The following POLR3E variants were observed in gnomAD, a reference collection of about 807,000 sequenced individuals.
The protein encoded by POLR3E is DNA-directed RNA polymerase III subunit RPC5.
POLR3E carries 41 observed loss-of-function variants against 96.6 expected under a neutral mutation model. That is an observed-to-expected ratio of 0.42 (90% confidence interval 0.33 to 0.55). The LOEUF is 0.55. Among genes scored for constraint, POLR3E ranks in the 20% least tolerant of loss-of-function variants. POLR3E has a pLI of 0.06. For synonymous variants in POLR3E, 396 were observed against 383.6 expected, an observed-to-expected ratio of 1.03 and a Z score of -0.38; for missense variants, 849 against 952.1, an observed-to-expected ratio of 0.89 and a Z score of 1.43.
At chr16:22,327,075 C>T (rs549681628) in intron 18 of POLR3E, 117 of 152,486 alleles carry the variant, frequency 7.7e-4, no homozygotes, top group Non-Finnish European at 1.3e-3. Flanking sequence ...ACGCCTTTCC[C>T]GTGCTCCTTT....
Position 22,315,160 on chromosome 16 carries a change from G to A in POLR3E, c.594G>A (p.Lys198=), listed in dbSNP as rs776848326. The A allele has an allele frequency of 3.7e-5, 60 of 1,609,974 alleles. No individual in the cohort carries two copies. The highest frequency in any genetic ancestry group is 1.0e-4 in the Admixed American group (6 of 59,478). ...TGCAGTCCTATGAGTTCCTGCAGAA[G>A]AAGCACGCAGAGGAGCCCTGGGTCC... ...RRVQSYEFLQ[K]KHAEEPWVHL... Residue 198 remains lysine, a synonymous_variant, in exon 9 of 21, where the codon AAG becomes AAA. Transcript: ENST00000299853.
chr16:22,313,532 G>A lies in POLR3E; in HGVS notation c.365-88G>A, dbSNP rs1057345468. ...GGAATGGGAGGCGGTTTGATGGTGGGCCTAGGCCTTCACGGGACTTGGTGA... is the reference window on the plus strand; with the variant it reads ...GGAATGGGAGGCGGTTTGATGGTGGACCTAGGCCTTCACGGGACTTGGTGA... On this transcript the variant is annotated intron_variant, in intron 6 of 20. Transcript: ENST00000299853. This position sits in a 1 kb window ranked among gnomAD's most constrained non-coding sequence, Gnocchi z 4.1. 3 of 805,312 alleles carry A rather than the reference G, an allele frequency of 3.7e-6. No homozygotes were observed. In the African/African-American group the frequency reaches 5.1e-5, roughly 14 times the overall value. The allele number at this position is 805,312 out of a possible 1,614,324, so 49.9% of individuals were successfully genotyped here. A position where few individuals can be genotyped will look rare whatever the true frequency, so the allele number is the denominator to read the frequency against.
At position 22,317,216 on chromosome 16, in the gene POLR3E, T is replaced by A; in HGVS notation, c.865+10T>A. 6.2e-7 allele frequency: 1 copy of A among 1,604,814 alleles called. No homozygotes were observed. Among genetic ancestry groups the A allele is most frequent in the Non-Finnish European group, 8.5e-7 (1 of 1,174,884 alleles). ...ATCCTGATGAAGAATGGTGGGTGCC[T>A]ACCCCCTGCCCACCCGGGGGCCCCA... On this transcript the variant is annotated intron_variant, in intron 12 of 20. Coordinates refer to ENST00000299853, the MANE Select transcript of POLR3E (RefSeq NM_018119.4).
chr16:22,315,912 C>A (rs2048345861), intron 9 of POLR3E, among the ~76,000 whole-genome samples: 1 of 152,082 alleles, frequency 6.6e-6, no homozygotes, highest in Non-Finnish European at 1.5e-5. Context: ...AAGTGATCTG[C>A]CCACCTCAGG....
At chr16:22,315,398 G>A (rs1183744839) in intron 9 of POLR3E, among the ~76,000 whole-genome samples, 190 bp downstream of exon 9, 1 of 152,240 alleles carries the variant, frequency 6.6e-6, no homozygotes, top group African/African-American at 2.4e-5. Context: ...AGGAGAGCAA[G>A]AGGAAAAGAT....
chr16:22,310,554 TG>T (rs1380797779), intron 6 of POLR3E, among the ~76,000 whole-genome samples: 1 of 150,240 alleles, frequency 6.7e-6, no homozygotes, highest in Non-Finnish European at 1.5e-5. Context: ...CCCAAAGTGC[TG>T]GGATTACAGG....
At chr16:22,307,241 C>T (rs2141742596) in intron 3 of POLR3E, among the ~76,000 whole-genome samples, 1 of 152,296 alleles carries the variant, frequency 6.6e-6, no homozygotes, top group African/African-American at 2.4e-5. Flanking sequence ...AGAACCTGCG[C>T]CCTTCAGCCT....
intron 19 of POLR3E, among the ~76,000 whole-genome samples, chr16:22,330,546 C>G (rs555002972): frequency 6.6e-6 from 1 of 152,216 alleles, no homozygotes; most frequent in South Asian, 2.1e-4. Flanking sequence ...ACATGTGTAC[C>G]GAGGGTGATA....
chr16:22,329,437 C>T (rs924366903), intron 19 of POLR3E, among the ~76,000 whole-genome samples: 14 of 152,058 alleles, frequency 9.2e-5, no homozygotes, highest in African/African-American at 2.9e-4. Context: ...TTTCTTAGGC[C>T]GTGAACGTAC....
rs182323599 is a variant in POLR3E at position 22,329,664 on chromosome 16, T to C, written c.1944+1077T>C. 2.6e-5 allele frequency among the ~76,000 whole-genome samples: 4 copies of C among 152,250 alleles called. No homozygotes were observed. The East Asian group carries it at 7.7e-4, about 29-fold the overall frequency. On this transcript the variant is annotated intron_variant, in intron 19 of 20. Transcript: ENST00000299853. ...AGAATAGAGGGTATCTGAAATACTT[T>C]GATAACAAAAAGGCAAAAAAACAAA...
rs2048822149 is a variant in POLR3E, at chr16:22,335,087, C to A, written c.*1387C>A. On this transcript the variant is annotated 3_prime_UTR_variant, in exon 21 of 21. Transcript: ENST00000299853. ...TATGTGAACCTGAAAAGTAAAGTTA[C>A]CAAAAGCGATTTGGAATATGTCTCA... is the stretch of plus-strand genomic sequence containing the variant. 6.6e-6 allele frequency: 1 copy of A among 152,162 alleles called. No individual in the cohort carries two copies. The allele number at this position is 152,162 out of a possible 1,614,324, so 9.4% of individuals were successfully genotyped here. A position where few individuals can be genotyped will look rare whatever the true frequency, so the allele number is the denominator to read the frequency against.
chr16:22,299,016 A>G (rs755459088), intron 1 of POLR3E: 1 of 456,060 alleles, frequency 2.2e-6, no homozygotes, highest in Non-Finnish European at 4.4e-6. Context: ...AAGACAAACA[A>G]CACCTGAGCA....
At chr16:22,299,173 A>G in intron 1 of POLR3E, 1 of 395,776 alleles carries the variant, frequency 2.5e-6, no homozygotes, top group Non-Finnish European at 5.0e-6. Context: ...ATGATATTTA[A>G]TAAAAAGGAG....
At chr16:22,303,790 A>C (rs1165997164) in intron 2 of POLR3E, among the ~76,000 whole-genome samples, 1 of 146,770 alleles carries the variant, frequency 6.8e-6, no homozygotes, top group Non-Finnish European at 1.5e-5. Context: ...ACAGGTGCCC[A>C]TCACCACGCC....
chr16:22,319,912 G>T (rs1466158791), intron 13 of POLR3E, among the ~76,000 whole-genome samples: 1 of 151,900 alleles, frequency 6.6e-6, no homozygotes, highest in African/African-American at 2.4e-5. Context: ...TAGTCACCCT[G>T]TAGTACCCTT....
At chr16:22,312,484 A>G (rs1174243483) in intron 6 of POLR3E, among the ~76,000 whole-genome samples, 1 of 152,002 alleles carries the variant, frequency 6.6e-6, no homozygotes, top group African/African-American at 2.4e-5. Context: ...ACAGAGTGAG[A>G]CTCCATCTCA....
At position 22,303,639 on chromosome 16, in the gene POLR3E, C is replaced by CTTTTTTTTTTTTTTTTTTTTTTTTTTTTT. The variant is rs58949663; in HGVS notation, c.36+653_36+654insTTTTTTTTTTTTTTTTTTTTTTTTTTTTT. Among the ~76,000 whole-genome samples, 11 of 114,230 alleles carry CTTTTTTTTTTTTTTTTTTTTTTTTTTTTT rather than the reference C, an allele frequency of 9.6e-5. 1 individual carries two copies. Among genetic ancestry groups the CTTTTTTTTTTTTTTTTTTTTTTTTTTTTT allele is most frequent in the African/African-American group, 5.3e-4 (11 of 20,804 alleles). 74.9% of individuals were successfully genotyped at this position (114,230 alleles called of 152,430 possible). On this transcript the variant is annotated intron_variant, in intron 2 of 20. Transcript: ENST00000299853. ...TACAGGCAGTGGGAGGCAGATTTCC[C>CTTTTTTTTTTTTTTTTTTTTTTTTTTTTT]TTTTTTTTTTTTTTTTTTGGAGACA... is the stretch of plus-strand genomic sequence containing the variant.
chr16:22,316,542 G>T, intron 9 of POLR3E, 59 bp from the exon 10 acceptor site: 2 of 1,363,766 alleles, frequency 1.5e-6, no homozygotes, highest in Non-Finnish European at 2.1e-6. Context: ...CTTGGGGGAG[G>T]GGGCCCAGGC....
chr16:22,314,303 T>C (rs970750958), intron 8 of POLR3E, among the ~76,000 whole-genome samples, 175 bp downstream of exon 8: 1 of 152,082 alleles, frequency 6.6e-6, no homozygotes, highest in Non-Finnish European at 1.5e-5. Context: ...ATACACAAGA[T>C]GGAAGCCCTG....
Sources: allele counts gnomAD v4.1 joint callset (sites outside exome capture counted in the v4.1 genomes callset), GRCh38; gene constraint gnomAD v4.1.1; non-coding constraint Gnocchi (gnomAD v3.1); transcripts MANE v1.5; gene names NCBI Gene and HGNC (gene_info 2026-07-23, HGNC 2026-07-21).